FIGN: variants seen among roughly 807,000 people sequenced by gnomAD.
The protein encoded by FIGN is fidgetin, microtubule severing factor, also known as fidgetin.
FIGN carries 11 observed loss-of-function variants against 51.3 expected under a neutral mutation model. That is an observed-to-expected ratio of 0.21 (90% CI 0.13 to 0.35). FIGN has a LOEUF of 0.35. FIGN is among the 10% of genes least tolerant of loss of function. The pLI, the probability that FIGN is intolerant of heterozygous loss-of-function variation, is 1.00. For synonymous variants in FIGN, 407 were observed against 363.2 expected (o/e 1.12, Z -1.37); for missense variants, 857 against 943.6 (o/e 0.91, Z 1.20).
chr2:163,704,038 G>GA (rs1190118509), intron 2 of FIGN, among the ~76,000 whole-genome samples: 1 of 151,094 alleles, frequency 6.6e-6, no homozygotes, highest in Non-Finnish European at 1.5e-5. Flanking sequence ...GGAAAAGGGG[G>GA]AAAAAAAAGT....
chr2:163,628,745 C>T (rs1324931591), intron 2 of FIGN, among the ~76,000 whole-genome samples: 1 of 151,982 alleles, frequency 6.6e-6, no homozygotes, highest in Non-Finnish European at 1.5e-5. Flanking sequence ...AAGGAAATCA[C>T]TGGAAAAATT....
chr2:163,675,709 T>A (rs1415080511), intron 2 of FIGN, among the ~76,000 whole-genome samples: 1 of 138,252 alleles, frequency 7.2e-6, no homozygotes, highest in Non-Finnish European at 1.5e-5. Flanking sequence ...TTTCTTTCTT[T>A]TTTTTTTTTT....
At chr2:163,652,992 T>C (rs1457179816) in intron 2 of FIGN, among the ~76,000 whole-genome samples, 1 of 152,128 alleles carries the variant, frequency 6.6e-6, no homozygotes, top group African/African-American at 2.4e-5. Context: ...TGCAGGACAG[T>C]GTAAAAATGA....
rs772167659 is a variant in FIGN, at chr2:163,610,735, T to G, written c.1097A>C (p.Asp366Ala). 8.1e-6 allele frequency: 13 copies of G among 1,614,190 alleles called. No homozygotes were observed. Among genetic ancestry groups the G allele is most frequent in the Non-Finnish European group, 1.1e-5 (13 of 1,180,022 alleles). ...TAAGGATGATGTTTCAGCACTTCTG[T>G]CAAAGCCATTCCCCCGATTTGTGTT... ...ISNTNRGNGF[D>A]RSAETSSLAF... Residue 366 changes from aspartate to alanine, a missense_variant, in exon 3 of 3, where the codon GAC (aspartate) becomes GCC (alanine). This residue lies in a region of FIGN where 799 missense variants were observed against 849.5 expected (regional missense o/e 0.94). Coordinates refer to ENST00000333129, the MANE Select transcript of FIGN (RefSeq NM_018086.4).
chr2:163,636,784 G>C (rs868289217), intron 2 of FIGN, among the ~76,000 whole-genome samples: 1 of 151,938 alleles, frequency 6.6e-6, no homozygotes, highest in African/African-American at 2.4e-5. Context: ...ACCAAGTAAA[G>C]CATATGTCTG....
At chr2:163,678,779 T>C (rs1312100117) in intron 2 of FIGN, among the ~76,000 whole-genome samples, 3 of 152,170 alleles carry the variant, frequency 2.0e-5, no homozygotes, top group Non-Finnish European at 4.4e-5. Context: ...GTCTTCTAGA[T>C]GCAAGTAACT....
intron 2 of FIGN, among the ~76,000 whole-genome samples, chr2:163,652,834 A>G (rs1683499556): frequency 6.6e-6 from 1 of 152,164 alleles, no homozygotes; most frequent in Non-Finnish European, 1.5e-5. Flanking sequence ...ATTTCTAATC[A>G]TCATTCCTGA....
chr2:163,637,805 A>G (rs1432283586), intron 2 of FIGN, among the ~76,000 whole-genome samples: 1 of 152,244 alleles, frequency 6.6e-6, no homozygotes, highest in Middle Eastern at 3.4e-3. Flanking sequence ...ACAGACCAAT[A>G]TGTATCCTAG....
intron 2 of FIGN, among the ~76,000 whole-genome samples, chr2:163,717,390 G>C (rs1270939668): frequency 6.6e-6 from 1 of 152,082 alleles, no homozygotes; most frequent in Non-Finnish European, 1.5e-5. Context: ...GTCAGGGGAA[G>C]CATTTAACCT....
At chr2:163,679,046 C>T (rs1359945804) in intron 2 of FIGN, among the ~76,000 whole-genome samples, 2 of 152,174 alleles carry the variant, frequency 1.3e-5, no homozygotes, top group African/African-American at 2.4e-5. Flanking sequence ...TTGAGTTACT[C>T]TATACCAGTG....
At chr2:163,685,199 T>C (rs1180859065) in intron 2 of FIGN, among the ~76,000 whole-genome samples, 3 of 152,178 alleles carry the variant, frequency 2.0e-5, no homozygotes, top group Non-Finnish European at 2.9e-5. Context: ...TACTCTCTCA[T>C]TGCTATCTTC....
chr2:163,685,724 A>G (rs1372561722), intron 2 of FIGN, among the ~76,000 whole-genome samples: 1 of 152,206 alleles, frequency 6.6e-6, no homozygotes, highest in African/African-American at 2.4e-5. Flanking sequence ...AAGCTCATCA[A>G]ATAGTTTTTC....
At chr2:163,623,631 C>G (rs1433174356) in intron 2 of FIGN, among the ~76,000 whole-genome samples, 1 of 152,088 alleles carries the variant, frequency 6.6e-6, no homozygotes, top group African/African-American at 2.4e-5. Context: ...AACTGACATA[C>G]CTAGAACCAG....
In FIGN at chr2:163,696,626, T is replaced by A. The variant is rs182973467; in HGVS notation, c.25+38277A>T. Among the ~76,000 whole-genome samples the A allele has an allele frequency of 1.6e-4, 24 of 152,226 alleles. No individual in the cohort carries two copies. The East Asian group carries it at 3.5e-3, about 22-fold the overall frequency. ...CTTATAATCCTGTGAGATAGTGTTA[T>A]GATCCTCATTTTGTTTTATTGTTTT... On this transcript the variant is annotated intron_variant, in intron 2 of 2. Transcript: ENST00000333129.
intron 2 of FIGN, among the ~76,000 whole-genome samples, chr2:163,626,201 C>T (rs1260532463): frequency 6.6e-6 from 1 of 152,230 alleles, no homozygotes; most frequent in Non-Finnish European, 1.5e-5. Context: ...AAACCAAACT[C>T]ATTCCCTTGT....
intron 2 of FIGN, among the ~76,000 whole-genome samples, chr2:163,640,009 T>C (rs979845796): frequency 6.6e-6 from 1 of 152,188 alleles, no homozygotes; most frequent in Non-Finnish European, 1.5e-5. Flanking sequence ...CTACAGTTAT[T>C]ACCCTCATGA....
chr2:163,723,114 C>T (rs1684785418), intron 2 of FIGN, among the ~76,000 whole-genome samples: 1 of 151,878 alleles, frequency 6.6e-6, no homozygotes, highest in Non-Finnish European at 1.5e-5. Flanking sequence ...TGGCGTGAAC[C>T]CGGGAGGTGG....
At chr2:163,652,608 C>G (rs954785490) in intron 2 of FIGN, among the ~76,000 whole-genome samples, 1 of 152,044 alleles carries the variant, frequency 6.6e-6, no homozygotes, top group Non-Finnish European at 1.5e-5. Context: ...CTTAGGTTAA[C>G]CAGCATATGT....
chr2:163,626,421 A>G (rs573424812), intron 2 of FIGN, among the ~76,000 whole-genome samples: 1 of 152,304 alleles, frequency 6.6e-6, no homozygotes, highest in East Asian at 1.9e-4. Context: ...AACCTTAAAC[A>G]AATTTATTTA....
Sources: gnomAD v4.1 joint callset for allele counts (sites outside exome capture counted in the v4.1 genomes callset) on GRCh38, gnomAD v4.1.1 for gene constraint, gnomAD v4.1.1 regional missense constraint, MANE v1.5 for transcripts, NCBI Gene and HGNC (gene_info 2026-07-23, HGNC 2026-07-21) for gene names.